The following CSMD1 variants were observed in gnomAD, a reference collection of about 807,000 sequenced individuals.
CSMD1 encodes the protein CUB and Sushi multiple domains 1.
A neutral mutation model predicts 417.5 loss-of-function variants in CSMD1; 213 were observed. The observed-to-expected ratio is 0.51, with a 90% CI of 0.46 to 0.57. The LOEUF (loss-of-function observed/expected upper bound fraction) is 0.57. CSMD1 is among the 20% of genes least tolerant of loss of function. The pLI is 0.00. For missense variants in CSMD1, 6,923 were observed against 4,529.7 expected (o/e 1.53, Z -15.17); for synonymous variants, 2,862 against 1,736.8 (o/e 1.65, Z -16.11).
intron 50 of CSMD1, among the ~76,000 whole-genome samples, chr8:3,037,133 G>A (rs918187094): frequency 3.3e-5 from 5 of 152,112 alleles, no homozygotes; most frequent in Admixed American, 2.6e-4. Context: ...CTCCATCCAA[G>A]TCCCTGCACA....
chr8:3,339,933 C>T (rs113165289), intron 23 of CSMD1, among the ~76,000 whole-genome samples: 44 of 152,290 alleles, frequency 2.9e-4, no homozygotes, highest in African/African-American at 9.6e-4. Flanking sequence ...AACGAAGGTA[C>T]ACTTTTAAAG....
At chr8:3,233,358 A>G (rs7822856) in intron 26 of CSMD1, among the ~76,000 whole-genome samples, 43,339 of 152,048 alleles carry the variant, frequency 0.29, 6,695 homozygotes, top group Non-Finnish European at 0.35. Context: ...ATGCCTGCAC[A>G]CGTTAGGACT....
At chr8:4,003,184 G>C (rs1044144363) in intron 4 of CSMD1, among the ~76,000 whole-genome samples, 2 of 152,090 alleles carry the variant, frequency 1.3e-5, no homozygotes, top group Non-Finnish European at 2.9e-5. Context: ...ACGAGGTCAG[G>C]AGATCGAGAC....
chr8:3,581,254 G>A (rs1376039636), intron 9 of CSMD1, among the ~76,000 whole-genome samples: 1 of 152,164 alleles, frequency 6.6e-6, no homozygotes, highest in Non-Finnish European at 1.5e-5. Flanking sequence ...GCCAGTTAAA[G>A]ATACTCATAC....
At chr8:4,300,620 G>T (rs1424581751) in intron 3 of CSMD1, among the ~76,000 whole-genome samples, 1 of 152,234 alleles carries the variant, frequency 6.6e-6, no homozygotes, top group East Asian at 1.9e-4. Context: ...TGCCATGCTG[G>T]TGTGCTGCAC....
chr8:4,302,254 T>A (rs1246948308), intron 3 of CSMD1, among the ~76,000 whole-genome samples: 1 of 152,170 alleles, frequency 6.6e-6, no homozygotes, highest in Non-Finnish European at 1.5e-5. Flanking sequence ...GTGTTTTAGG[T>A]GATGGTCTGG....
intron 5 of CSMD1, among the ~76,000 whole-genome samples, chr8:3,766,477 C>G (rs1871820): frequency 0.55 from 83,484 of 151,850 alleles, 23,493 homozygotes; most frequent in East Asian, 0.7. Flanking sequence ...CTTGCCAACA[C>G]GAAGAAACAA....
chr8:4,315,732 A>G (rs921810865), intron 3 of CSMD1, among the ~76,000 whole-genome samples: 2 of 152,236 alleles, frequency 1.3e-5, no homozygotes, highest in Non-Finnish European at 2.9e-5. Flanking sequence ...AGCTGTGCAA[A>G]AAAGAAACTG....
intron 2 of CSMD1, among the ~76,000 whole-genome samples, chr8:4,456,445 GAGTATTC>G (rs1261636358): frequency 4.6e-5 from 7 of 152,108 alleles, no homozygotes; most frequent in Non-Finnish European, 1.0e-4. Context: ...TTGCTGTTAA[GAGTATTC>G]TTAACGAAAA....
At position 3,541,378 on chromosome 8, in the gene CSMD1, G is replaced by A. The variant is rs139322796; in HGVS notation, c.1344+33567C>T. Among the ~76,000 whole-genome samples the A allele has an allele frequency of 7.8e-4, 118 of 152,218 alleles. 1 individual carries two copies. The highest frequency in any genetic ancestry group is 2.6e-3 in the African/African-American group (110 of 41,524). On this transcript the variant is annotated intron_variant, in intron 10 of 69. Transcript: ENST00000635120. ...ACAACATGCACTGGGGCCTGTTGAG[G>A]GGAGCTGGGGAGGGAGAGCATCAGG...
At chr8:4,015,272 G>A (rs1796466476) in intron 4 of CSMD1, among the ~76,000 whole-genome samples, 2 of 152,126 alleles carry the variant, frequency 1.3e-5, no homozygotes, top group South Asian at 2.1e-4. Flanking sequence ...AAACACAGCT[G>A]TGTTTTAAAT....
intron 18 of CSMD1, among the ~76,000 whole-genome samples, chr8:3,372,951 G>A (rs1344012835): frequency 1.3e-5 from 2 of 152,102 alleles, no homozygotes; most frequent in Non-Finnish European, 2.9e-5. Context: ...CAGAAGGTTT[G>A]GATTCGTAAC....
chr8:4,561,397 T>A (rs189319642), intron 2 of CSMD1, among the ~76,000 whole-genome samples: 1 of 151,968 alleles, frequency 6.6e-6, no homozygotes, highest in Admixed American at 6.6e-5. Context: ...ACAAAAAAAA[T>A]TCTGGCCAGG....
chr8:3,194,635 T>C lies in CSMD1; in HGVS notation c.5195-4520A>G, dbSNP rs1585619031. Among the ~76,000 whole-genome samples the C allele has an allele frequency of 2.6e-5, 4 of 151,322 alleles. No homozygotes were observed. In the South Asian group the frequency reaches 8.3e-4, roughly 32 times the overall value. On this transcript the variant is annotated intron_variant, in intron 33 of 69. Transcript: ENST00000635120. ...ACCACACTTGGCTAATAATTTTTTTTTTTTTTGTACTTTTAGTAGAGATGG... is the reference window on the plus strand; with the variant it reads ...ACCACACTTGGCTAATAATTTTTTTCTTTTTTGTACTTTTAGTAGAGATGG...
intron 2 of CSMD1, among the ~76,000 whole-genome samples, chr8:4,429,156 TATATA>T (rs924897404): frequency 3.3e-5 from 5 of 150,228 alleles, no homozygotes; most frequent in African/African-American, 9.7e-5. Flanking sequence ...TGGATTATTA[TATATA>T]ATATATATTT....
intron 3 of CSMD1, among the ~76,000 whole-genome samples, chr8:4,167,375 A>C (rs1451508801): frequency 6.6e-6 from 1 of 152,214 alleles, no homozygotes; most frequent in African/African-American, 2.4e-5. Flanking sequence ...CAATTTAAAT[A>C]ACAAACTATG....
rs368353601 is a variant in CSMD1 at position 3,029,372 on chromosome 8, C to T, written c.7802G>A (p.Arg2601Gln). The T allele has an allele frequency of 1.7e-5, 28 of 1,611,048 alleles. No individual in the cohort carries two copies. Among genetic ancestry groups the T allele is most frequent in the Middle Eastern group, 1.7e-4 (1 of 6,058 alleles). ...GTTCCACGTCCCATTGGCCTGGCAC[C>T]GCAGGAGCCTCCAGCCTTCTAAGTA... ...GYYLEGWRLL[R>Q]CQANGTWNIG... The change falls in exon 51 of 70, where the codon CGG (arginine) becomes CAG (glutamine). Residue 2601 changes from arginine to glutamine, a missense_variant. Transcript: ENST00000635120.
chr8:4,846,652 A>G (rs1237261921), intron 1 of CSMD1, among the ~76,000 whole-genome samples: 1 of 152,228 alleles, frequency 6.6e-6, no homozygotes, highest in Non-Finnish European at 1.5e-5. Flanking sequence ...AAGGATGACA[A>G]CATGGACTTG....
intron 3 of CSMD1, among the ~76,000 whole-genome samples, chr8:4,100,483 C>A (rs191774754): frequency 2.0e-5 from 3 of 152,236 alleles, no homozygotes; most frequent in Non-Finnish European, 4.4e-5. Flanking sequence ...CTTTTCTAAG[C>A]CTTAGTCTCA....
Sources: gnomAD v4.1 joint callset for allele counts (sites outside exome capture counted in the v4.1 genomes callset) on GRCh38, gnomAD v4.1.1 for gene constraint, MANE v1.5 for transcripts, NCBI Gene and HGNC (gene_info 2026-07-23, HGNC 2026-07-21) for gene names.